FRMPD4: variants seen among roughly 807,000 people sequenced by gnomAD.
FRMPD4 encodes FERM and PDZ domain containing 4.
In FRMPD4, 22 loss-of-function variants were observed where a neutral mutation model predicts 94.1. The observed-to-expected ratio is 0.23, with a 90% CI of 0.17 to 0.33. FRMPD4 has a LOEUF of 0.33. Among genes scored for constraint, FRMPD4 ranks in the 10% least tolerant of loss-of-function variants. The probability of loss-of-function intolerance (pLI) is 1.00; values close to 1 mark genes in which losing one functional copy is unlikely to be tolerated. For synonymous variants in FRMPD4, 631 were observed against 548.6 expected, an observed-to-expected ratio of 1.15 and a Z score of -2.10; for missense variants, 1,111 against 1,339.9, an observed-to-expected ratio of 0.83 and a Z score of 2.67.
intron 1 of FRMPD4, among the ~76,000 whole-genome samples, chrX:11,862,690 A>T (rs138512564): frequency 9.0e-6 from 1 of 111,134 alleles, no homozygotes; most frequent in East Asian, 2.8e-4. Flanking sequence ...AGCTTGGCTC[A>T]GGAACTCCCT....
At position 12,381,185 on chromosome X, in the gene FRMPD4, T is replaced by C. The variant is rs757288124; in HGVS notation, c.42-117495T>C. ...GACATGCCTGTGGGCTGCAAAAAAC[T>C]GGGGTCACAGAATTATTAGTGAATG... On this transcript the variant is annotated intron_variant, in intron 1 of 16. Transcript: ENST00000675598. 2.7e-5 allele frequency among the ~76,000 whole-genome samples: 3 copies of C among 112,163 alleles called. No homozygotes were observed. The South Asian group carries it at 1.1e-3, about 42-fold the overall frequency.
At chrX:12,539,012 C>T (rs2058373482) in intron 2 of FRMPD4, among the ~76,000 whole-genome samples, 1 of 111,534 alleles carries the variant, frequency 9.0e-6, no homozygotes, top group African/African-American at 3.3e-5. Context: ...AAGTTCAAAC[C>T]CATCGCAAAG....
chrX:12,086,314 TG>T (rs1217172446), intron 3 of FRMPD4, among the ~76,000 whole-genome samples: 1 of 112,265 alleles, frequency 8.9e-6, no homozygotes. Context: ...TGCTTAATTT[TG>T]CATTACTCAC....
At chrX:12,468,539 C>A (rs1024337835) in intron 1 of FRMPD4, among the ~76,000 whole-genome samples, 3 of 111,696 alleles carry the variant, frequency 2.7e-5, no homozygotes, top group African/African-American at 9.8e-5. Context: ...AGGCCCTATG[C>A]AGAATTAGGA....
intron 3 of FRMPD4, among the ~76,000 whole-genome samples, chrX:12,033,269 T>C (rs756204023): frequency 1.8e-5 from 2 of 111,483 alleles, no homozygotes; most frequent in Non-Finnish European, 3.8e-5. Flanking sequence ...GTGAGGGTGA[T>C]GGATCTGGAG....
At chrX:12,486,329 C>T (rs768115111) in intron 1 of FRMPD4, among the ~76,000 whole-genome samples, 4 of 111,964 alleles carry the variant, frequency 3.6e-5, no homozygotes, top group Non-Finnish European at 5.6e-5. Flanking sequence ...TCTAGGCCTA[C>T]GGAAACAGAA....
chrX:12,295,998 A>G (rs2054766224), intron 1 of FRMPD4, among the ~76,000 whole-genome samples: 1 of 110,909 alleles, frequency 9.0e-6, no homozygotes, highest in Non-Finnish European at 1.9e-5. Flanking sequence ...TTCAGGTTGG[A>G]TAATTTTTTC....
chrX:12,186,544 ACAT>A (rs1236931074), intron 1 of FRMPD4, among the ~76,000 whole-genome samples: 1 of 110,376 alleles, frequency 9.1e-6, no homozygotes. Context: ...TATGACGACA[ACAT>A]CAATATATTT....
intron 4 of FRMPD4, among the ~76,000 whole-genome samples, chrX:12,664,336 G>T (rs968833400): frequency 1.8e-5 from 2 of 111,886 alleles, no homozygotes; most frequent in Non-Finnish European, 3.8e-5. Flanking sequence ...ACTGGCTGTG[G>T]TTTTTTCATA....
At position 12,095,143 on chromosome X, in the gene FRMPD4, A is replaced by G. The variant is rs1018315447; in HGVS notation, c.95+217125A>G. On this transcript the variant is annotated intron_variant, in intron 3 of 18. Coordinates refer to the FRMPD4 transcript ENST00000640291. ...TGTAGTCCTAACACTTTGAGAGGCC[A>G]AGGCAGGAAGATTGCTTGAGACCAG... Among the ~76,000 whole-genome samples the G allele has an allele frequency of 7.2e-5, 8 of 111,509 alleles. No homozygotes were observed. The Admixed American group carries it at 7.6e-4, about 11-fold the overall frequency.
intron 3 of FRMPD4, among the ~76,000 whole-genome samples, chrX:11,998,872 A>G (rs2054510108): frequency 8.9e-6 from 1 of 112,231 alleles, no homozygotes; most frequent in Non-Finnish European, 1.9e-5. Flanking sequence ...AACAGCTTGC[A>G]TCAGGAGCAG....
intron 3 of FRMPD4, among the ~76,000 whole-genome samples, chrX:12,114,242 G>A (rs1359685571): frequency 9.0e-6 from 1 of 110,804 alleles, no homozygotes; most frequent in Non-Finnish European, 1.9e-5. Context: ...TCATTTTCTA[G>A]AATATTCATC....
At chrX:12,273,276 AT>A (rs770042830) in intron 1 of FRMPD4, among the ~76,000 whole-genome samples, 24 of 111,838 alleles carry the variant, frequency 2.1e-4, no homozygotes, top group African/African-American at 7.5e-4. Context: ...TAAACATGGA[AT>A]TTTGAAAGTG....
At chrX:12,178,299 G>A (rs12843670) in intron 1 of FRMPD4, among the ~76,000 whole-genome samples, 11,561 of 110,854 alleles carry the variant, frequency 0.1, 534 homozygotes, top group South Asian at 0.26. Context: ...AAATTACCCA[G>A]TTTAAAGTAT....
chrX:12,187,825 T>C (rs1057331682), intron 1 of FRMPD4, among the ~76,000 whole-genome samples: 2 of 111,722 alleles, frequency 1.8e-5, no homozygotes, highest in African/African-American at 6.5e-5. Context: ...TAGGTATAAA[T>C]TTAAAATTTA....
At chrX:11,848,709 C>A (rs545152730) in intron 1 of FRMPD4, among the ~76,000 whole-genome samples, 2 of 110,367 alleles carry the variant, frequency 1.8e-5, no homozygotes, top group Admixed American at 2.0e-4. Context: ...CTGTTAAATC[C>A]CCTCCTAACC....
chrX:12,031,305 C>A (rs1254351486), intron 3 of FRMPD4, among the ~76,000 whole-genome samples: 1 of 112,121 alleles, frequency 8.9e-6, no homozygotes, highest in Non-Finnish European at 1.9e-5. Flanking sequence ...TTATAAGAAT[C>A]TTCCAAAATA....
At chrX:12,474,971 C>A (rs1424319983) in intron 1 of FRMPD4, among the ~76,000 whole-genome samples, 1 of 111,877 alleles carries the variant, frequency 8.9e-6, no homozygotes, top group Non-Finnish European at 1.9e-5. Context: ...ATGAGGCCAG[C>A]ATCATCCTGA....
intron 1 of FRMPD4, among the ~76,000 whole-genome samples, chrX:12,250,872 G>A (rs189107242): frequency 2.7e-5 from 3 of 111,045 alleles, no homozygotes; most frequent in Non-Finnish European, 5.7e-5. Flanking sequence ...CCAGTTGGCC[G>A]TTGCTGGGAG....
Sources: allele counts gnomAD v4.1 joint callset (sites outside exome capture counted in the v4.1 genomes callset), GRCh38; gene constraint gnomAD v4.1.1; transcripts MANE v1.5; gene names NCBI Gene and HGNC (gene_info 2026-07-23, HGNC 2026-07-21).